MAP3K13: variants seen among roughly 807,000 people sequenced by gnomAD.
MAP3K13 encodes mitogen-activated protein kinase kinase kinase 13.
MAP3K13 carries 52 observed loss-of-function variants against 104.0 expected under a neutral mutation model. The observed-to-expected ratio is 0.50, with a 90% confidence interval of 0.40 to 0.63. MAP3K13 has a LOEUF of 0.63. Ranked by LOEUF, MAP3K13 falls within the 20% of genes least tolerant of loss-of-function variation. The pLI is 0.00. For synonymous variants in MAP3K13, 394 were observed against 442.2 expected (o/e 0.89, Z 1.37); for missense variants, 914 against 1,218.5 (o/e 0.75, Z 3.72).
rs183957256 is a variant in MAP3K13 at position 185,480,391 on chromosome 3, C to T, written c.2661C>T (p.Asp887=). 1 of 1,614,182 alleles carries T rather than the reference C, an allele frequency of 6.2e-7. No homozygotes were observed. Among genetic ancestry groups the T allele is most frequent in the East Asian group, 2.2e-5 (1 of 44,874 alleles). ...LEDRLAEKLD[D]LLSQTPEIPI... is the part of the protein sequence containing the mutation. ...ACCGCTTGGCAGAGAAGCTAGACGA[C>T]CTGCTGTCCCAGACGCCAGAGATTC... The change falls in exon 13 of 14, where the codon GAC becomes GAT. Residue 887 remains aspartate, a synonymous_variant. Transcript: ENST00000265026.
chr3:185,384,933 A>G (rs1315043967), intron 1 of MAP3K13, among the ~76,000 whole-genome samples: 1 of 152,190 alleles, frequency 6.6e-6, no homozygotes, highest in Non-Finnish European at 1.5e-5. Flanking sequence ...TTTGCTGTGT[A>G]GAAGTTTTTA....
At chr3:185,330,579 G>C (rs1294477221) in intron 2 of MAP3K13, among the ~76,000 whole-genome samples, 2 of 152,074 alleles carry the variant, frequency 1.3e-5, no homozygotes, top group East Asian at 3.9e-4. Context: ...GGAGGGCTGG[G>C]GGGTGTCCTG....
rs1031691299 is a variant in MAP3K13, at chr3:185,485,259, T to A, written c.*2803T>A. The A allele has an allele frequency of 3.3e-5, 5 of 152,150 alleles. No individual in the cohort carries two copies. Among genetic ancestry groups the A allele is most frequent in the African/African-American group, 1.2e-4 (5 of 41,418 alleles). 9.4% of individuals were successfully genotyped at this position (152,150 alleles called of 1,614,324 possible). ...TTCGTTTCAAGAATTGACAACATAGTTTGCAATCTCCTTCCTGCCAGACCC... is the reference window on the plus strand; with the variant it reads ...TTCGTTTCAAGAATTGACAACATAGATTGCAATCTCCTTCCTGCCAGACCC... On this transcript the variant is annotated 3_prime_UTR_variant, in exon 14 of 14. Transcript: ENST00000265026.
At chr3:185,391,982 G>A (rs1036136964) in intron 1 of MAP3K13, among the ~76,000 whole-genome samples, 2 of 152,142 alleles carry the variant, frequency 1.3e-5, no homozygotes, top group Non-Finnish European at 2.9e-5. Context: ...GATTTTTATA[G>A]TGAAGTTTCT....
intron 7 of MAP3K13, 78 bp downstream of exon 7, chr3:185,451,473 G>C: frequency 1.1e-6 from 1 of 923,058 alleles, no homozygotes; most frequent in Non-Finnish European, 1.8e-6. Flanking sequence ...TCTTAGAAGG[G>C]CCCATTGTGT....
In MAP3K13 at chr3:185,464,090, C is replaced by T. The variant is rs138402874; in HGVS notation, c.1388+431C>T. ...CTTGAGCCCAGGAGTTTGAGACCAG[C>T]CCGCCCAGCATGGCAAAACCCCATC... is the stretch of plus-strand genomic sequence containing the variant. On this transcript the variant is annotated intron_variant, in intron 8 of 13. Coordinates refer to ENST00000265026, the MANE Select transcript of MAP3K13 (RefSeq NM_004721.5). Among the ~76,000 whole-genome samples the T allele has an allele frequency of 5.4e-3, 826 of 152,260 alleles. 10 individuals carry two copies. Among genetic ancestry groups the T allele is most frequent in the African/African-American group, 0.019 (793 of 41,534 alleles).
intron 1 of MAP3K13, among the ~76,000 whole-genome samples, chr3:185,413,884 A>G (rs370722850): frequency 6.6e-6 from 1 of 152,182 alleles, no homozygotes; most frequent in Non-Finnish European, 1.5e-5. Context: ...AAGTGAGCAT[A>G]TTTTAGAATT....
At chr3:185,330,108 A>G (rs1722206742) in intron 2 of MAP3K13, among the ~76,000 whole-genome samples, 1 of 135,212 alleles carries the variant, frequency 7.4e-6, no homozygotes, top group Non-Finnish European at 1.5e-5. Flanking sequence ...TCACCATGTT[A>G]GCCAGGATGG....
chr3:185,307,541 A>AT (rs1721327649), intron 2 of MAP3K13, among the ~76,000 whole-genome samples: 1 of 71,066 alleles, frequency 1.4e-5, no homozygotes, highest in Non-Finnish European at 2.6e-5. Context: ...TTGGTGCACC[A>AT]CCCCCTCCCC....
At chr3:185,429,337 TA>T (rs1366925284) in intron 2 of MAP3K13, among the ~76,000 whole-genome samples, 1 of 152,216 alleles carries the variant, frequency 6.6e-6, no homozygotes, top group African/African-American at 2.4e-5. Flanking sequence ...AAGAAAATAT[TA>T]GAGATCATGT....
intron 2 of MAP3K13, among the ~76,000 whole-genome samples, chr3:185,308,652 T>C (rs1721389505): frequency 6.6e-6 from 1 of 152,196 alleles, no homozygotes; most frequent in South Asian, 2.1e-4. Context: ...TCCAAAGTAT[T>C]CTGGTTCTGT....
At chr3:185,333,858 A>G (rs1722372929) in intron 2 of MAP3K13, among the ~76,000 whole-genome samples, 2 of 152,240 alleles carry the variant, frequency 1.3e-5, no homozygotes, top group Admixed American at 6.5e-5. Context: ...GTTCAAGACC[A>G]TCCTAAGCAA....
In MAP3K13 at chr3:185,285,031, G is replaced by GGTGT. The variant is rs10634892; in HGVS notation, c.-204-475_-204-472dup. ...GGAAACCCTGAATTTATGTCATACGGGTGTGTGTGTGTGTGTGTGTGTTTT... is the reference window on the plus strand; with the variant it reads ...GGAAACCCTGAATTTATGTCATACGGGTGTGTGTGTGTGTGTGTGTGTGTGTTTT... On this transcript the variant is annotated intron_variant, in intron 1 of 14. Coordinates refer to the MAP3K13 transcript ENST00000424227. Among the ~76,000 whole-genome samples the GGTGT allele has an allele frequency of 6.4e-3, 958 of 148,918 alleles. 11 individuals carry two copies. The highest frequency in any genetic ancestry group is 0.021 in the African/African-American group (865 of 40,814).
chr3:185,387,001 T>C (rs550211402), intron 1 of MAP3K13, among the ~76,000 whole-genome samples: 162 of 152,280 alleles, frequency 1.1e-3, no homozygotes, highest in African/African-American at 3.6e-3. Context: ...CAAACTACCA[T>C]GGCACACATT....
At chr3:185,338,260 G>A (rs977896760) in intron 2 of MAP3K13, among the ~76,000 whole-genome samples, 8 of 150,560 alleles carry the variant, frequency 5.3e-5, no homozygotes, top group African/African-American at 2.0e-4. Context: ...AACCCAGGAG[G>A]CAGAGGTTGC....
chr3:185,307,932 T>C (rs747765443), intron 2 of MAP3K13, among the ~76,000 whole-genome samples: 24 of 151,922 alleles, frequency 1.6e-4, no homozygotes, highest in Non-Finnish European at 3.4e-4. Context: ...TGTCCTCTTG[T>C]AGTGCATTGA....
rs1255391443 is a variant in MAP3K13 at position 185,447,802 on chromosome 3, C to T, written c.865C>T (p.His289Tyr). The T allele has an allele frequency of 6.2e-7, 1 of 1,607,092 alleles. No individual in the cohort carries two copies. The highest frequency in any genetic ancestry group is 1.7e-5 in the Admixed American group (1 of 57,990). ...TTCTTTTTAAAGTGTTTTAGTGACC[C>T]ACACAGATGCGGTAAAAATTTCAGA... ...DLKSPNVLVT[H>Y]TDAVKISDFG... Residue 289 changes from histidine to tyrosine, a missense_variant, in exon 5 of 14, where the codon CAC (histidine) becomes TAC (tyrosine). Transcript: ENST00000265026.
At chr3:185,421,262 C>T (rs896752252) in intron 1 of MAP3K13, among the ~76,000 whole-genome samples, 3 of 151,970 alleles carry the variant, frequency 2.0e-5, no homozygotes, top group South Asian at 2.1e-4. Context: ...GGCAGCATCT[C>T]GGTTCACTGC....
intron 7 of MAP3K13, among the ~76,000 whole-genome samples, chr3:185,459,822 T>C (rs1716994098): frequency 6.6e-6 from 1 of 152,164 alleles, no homozygotes; most frequent in African/African-American, 2.4e-5. Context: ...TTGTCACCAC[T>C]ATCTGTTTCC....
Sources: allele counts gnomAD v4.1 joint callset (sites outside exome capture counted in the v4.1 genomes callset), GRCh38; gene constraint gnomAD v4.1.1; transcripts MANE v1.5; gene names NCBI Gene and HGNC (gene_info 2026-07-23, HGNC 2026-07-21).